The following PRKD1 variants were observed in gnomAD, a reference collection of about 807,000 sequenced individuals.
PRKD1 encodes the protein serine/threonine-protein kinase D1.
Under a neutral mutation model 95.9 loss-of-function variants are expected in PRKD1, and 63 were observed. The ratio of observed to expected loss-of-function variants is 0.66; its 90% CI spans 0.54 to 0.81. PRKD1 has a LOEUF of 0.81. PRKD1 is among the 30% of genes least tolerant of loss of function. The probability of loss-of-function intolerance (pLI) is 0.00; values close to 1 mark genes in which losing one functional copy is unlikely to be tolerated. For synonymous variants in PRKD1, 425 were observed against 423.1 expected (o/e 1.00, Z -0.05); for missense variants, 1,048 against 1,165.3 (o/e 0.90, Z 1.47).
intron 1 of PRKD1, among the ~76,000 whole-genome samples, chr14:29,901,169 G>A (rs952532415): frequency 2.4e-4 from 36 of 152,110 alleles, no homozygotes; most frequent in Admixed American, 2.4e-3. Context: ...AAAAAAGAAT[G>A]GAATCATGTC....
chr14:29,800,033 A>G (rs541389089), intron 1 of PRKD1, among the ~76,000 whole-genome samples: 1 of 152,292 alleles, frequency 6.6e-6, no homozygotes, highest in Non-Finnish European at 1.5e-5. Context: ...CTCACAGAGA[A>G]AATACATGTG....
At chr14:29,660,014 T>A (rs2139201418) in intron 4 of PRKD1, among the ~76,000 whole-genome samples, 1 of 152,334 alleles carries the variant, frequency 6.6e-6, no homozygotes, top group South Asian at 2.1e-4. Context: ...AAGCTTTTCC[T>A]ACTCGAAGTT....
At chr14:29,650,948 G>A (rs1429460307) in intron 4 of PRKD1, among the ~76,000 whole-genome samples, 1 of 152,182 alleles carries the variant, frequency 6.6e-6, no homozygotes, top group Non-Finnish European at 1.5e-5. Context: ...GTTCACCAAT[G>A]CCTATTACAG....
chr14:29,885,880 T>C (rs146760339), intron 1 of PRKD1, among the ~76,000 whole-genome samples: 1,653 of 150,274 alleles, frequency 0.011, 29 homozygotes, highest in African/African-American at 0.039. Flanking sequence ...GGCAGGAGAA[T>C]TGCTTGAACC....
intron 1 of PRKD1, among the ~76,000 whole-genome samples, chr14:29,919,509 G>A (rs1895008751): frequency 6.6e-6 from 1 of 152,164 alleles, no homozygotes. Flanking sequence ...ACTTCAAGTG[G>A]TGCTATCACA....
intron 13 of PRKD1, among the ~76,000 whole-genome samples, chr14:29,609,704 C>G (rs1428799379): frequency 1.3e-5 from 1 of 75,044 alleles, no homozygotes; most frequent in Non-Finnish European, 2.7e-5. Flanking sequence ...CCACGCCCAG[C>G]TATTTCTTTA....
At chr14:29,821,561 C>G (rs1228044861) in intron 1 of PRKD1, among the ~76,000 whole-genome samples, 1 of 152,132 alleles carries the variant, frequency 6.6e-6, no homozygotes, top group Non-Finnish European at 1.5e-5. Context: ...TCCTTACACA[C>G]TGAATCGCAA....
chr14:29,643,532 T>A (rs1404150115), intron 4 of PRKD1, among the ~76,000 whole-genome samples: 1 of 152,186 alleles, frequency 6.6e-6, no homozygotes, highest in Non-Finnish European at 1.5e-5. Flanking sequence ...GAATTTGTTT[T>A]TTAACCTAGT....
chr14:29,750,704 TG>T (rs1200839965), intron 1 of PRKD1, among the ~76,000 whole-genome samples: 1 of 152,002 alleles, frequency 6.6e-6, no homozygotes, highest in East Asian at 1.9e-4. Flanking sequence ...CTTTGGGATG[TG>T]GGAGGAAACT....
chr14:29,797,121 T>C (rs992330189), intron 1 of PRKD1, among the ~76,000 whole-genome samples: 2 of 152,070 alleles, frequency 1.3e-5, no homozygotes, highest in Non-Finnish European at 2.9e-5. Flanking sequence ...AGACCTACGA[T>C]AAAAAGGGAA....
chr14:29,643,692 A>G (rs1481077132), intron 4 of PRKD1, among the ~76,000 whole-genome samples: 4 of 152,252 alleles, frequency 2.6e-5, no homozygotes, highest in Non-Finnish European at 2.9e-5. Flanking sequence ...TTAGCAGTTC[A>G]CAATGAACTC....
At chr14:29,707,105 T>C (rs1436973481) in intron 2 of PRKD1, among the ~76,000 whole-genome samples, 1 of 152,188 alleles carries the variant, frequency 6.6e-6, no homozygotes, top group Non-Finnish European at 1.5e-5. Context: ...GGAAGCCATA[T>C]TGCTGAAGAA....
intron 1 of PRKD1, among the ~76,000 whole-genome samples, chr14:29,778,669 C>A (rs904916922): frequency 1.3e-5 from 2 of 152,120 alleles, no homozygotes; most frequent in African/African-American, 4.8e-5. Context: ...CAAAAAACGT[C>A]CAGGACCAGA....
chr14:29,655,659 T>G (rs1432047140), intron 4 of PRKD1, among the ~76,000 whole-genome samples: 1 of 152,188 alleles, frequency 6.6e-6, no homozygotes, highest in Non-Finnish European at 1.5e-5. Flanking sequence ...CACGTTCACA[T>G]CATTCATTGC....
intron 1 of PRKD1, among the ~76,000 whole-genome samples, chr14:29,825,668 AT>A (rs1316108172): frequency 1.3e-5 from 2 of 152,102 alleles, no homozygotes; most frequent in Non-Finnish European, 2.9e-5. Flanking sequence ...TTAGAATTGA[AT>A]TTTAAGACCT....
At position 29,640,733 on chromosome 14, in the gene PRKD1, A is replaced by G. The variant is rs533381364; in HGVS notation, c.697-1829T>C. On this transcript the variant is annotated intron_variant, in intron 4 of 17. Transcript: ENST00000331968. ...TAGACTAAAATGAAAATATTTTTCC[A>G]TAGTTGAAAACTTTTAACACTCAGA... Among the ~76,000 whole-genome samples, 10 of 152,328 alleles carry G rather than the reference A, an allele frequency of 6.6e-5. No individual in the cohort carries two copies. The East Asian group carries it at 1.9e-3, about 29-fold the overall frequency.
At chr14:29,814,584 A>G (rs181576916) in intron 1 of PRKD1, among the ~76,000 whole-genome samples, 2 of 152,224 alleles carry the variant, frequency 1.3e-5, no homozygotes, top group Admixed American at 6.5e-5. Flanking sequence ...ATGTGCTCCA[A>G]CTGCAGTCTG....
intron 1 of PRKD1, among the ~76,000 whole-genome samples, chr14:29,900,621 G>C (rs563344235): frequency 2.6e-4 from 40 of 151,854 alleles, no homozygotes; most frequent in Non-Finnish European, 5.2e-4. Flanking sequence ...ATCAAAAAAG[G>C]ACTTAAATCA....
At chr14:29,766,883 T>G (rs1888282787) in intron 1 of PRKD1, among the ~76,000 whole-genome samples, 1 of 152,186 alleles carries the variant, frequency 6.6e-6, no homozygotes, top group South Asian at 2.1e-4. Context: ...CTGGTGTCAC[T>G]CACTGCATTG....
Sources: allele counts gnomAD v4.1 joint callset (sites outside exome capture counted in the v4.1 genomes callset), GRCh38; gene constraint gnomAD v4.1.1; transcripts MANE v1.5; gene names NCBI Gene and HGNC (gene_info 2026-07-23, HGNC 2026-07-21).